SNTG2: variants seen among roughly 807,000 people sequenced by gnomAD.
The protein encoded by SNTG2 is gamma-2-syntrophin.
Under a neutral mutation model 70.9 loss-of-function variants are expected in SNTG2, and 74 were observed. The observed-to-expected ratio is 1.04, with a 90% CI of 0.86 to 1.27. SNTG2 has a LOEUF of 1.27. Among genes scored for constraint, SNTG2 ranks in the 50% most tolerant of loss-of-function variants. The probability of loss-of-function intolerance (pLI) is 0.00; values close to 1 mark genes in which losing one functional copy is unlikely to be tolerated. For synonymous variants in SNTG2, 278 were observed against 273.8 expected, an observed-to-expected ratio of 1.02 and a Z score of -0.15; for missense variants, 717 against 690.7, an observed-to-expected ratio of 1.04 and a Z score of -0.43.
chr2:1,008,545 A>G (rs1339503250), intron 1 of SNTG2, among the ~76,000 whole-genome samples: 2 of 152,202 alleles, frequency 1.3e-5, no homozygotes, highest in Non-Finnish European at 2.9e-5. Context: ...GCATTAAAAC[A>G]TGCATGAATT....
At chr2:1,243,365 G>T (rs1677172298) in intron 11 of SNTG2, among the ~76,000 whole-genome samples, 1 of 152,162 alleles carries the variant, frequency 6.6e-6, no homozygotes, top group Admixed American at 6.5e-5. Context: ...CCCAGGTCTG[G>T]GTGCTCGGAT....
At position 1,100,516 on chromosome 2, in the gene SNTG2, G is replaced by A. The variant is rs181045108; in HGVS notation, c.325+2106G>A. On this transcript the variant is annotated intron_variant, in intron 4 of 16. Coordinates refer to ENST00000308624, the MANE Select transcript of SNTG2 (RefSeq NM_018968.4). ...TTTGAACTACAGTATTTTGTTGCAT[G>A]TATTACATCAAGTGTTATAATGGCG... is the stretch of plus-strand genomic sequence containing the variant. 9.8e-5 allele frequency among the ~76,000 whole-genome samples: 15 copies of A among 152,294 alleles called. No homozygotes were observed. The East Asian group carries it at 2.7e-3, about 27-fold the overall frequency.
At chr2:1,287,964 C>T (rs1397479450) in intron 14 of SNTG2, among the ~76,000 whole-genome samples, 1 of 152,150 alleles carries the variant, frequency 6.6e-6, no homozygotes, top group African/African-American at 2.4e-5. Context: ...CGGGGTGGAG[C>T]ACCTGGGGCG....
intron 16 of SNTG2, among the ~76,000 whole-genome samples, chr2:1,350,600 G>A (rs1327429303): frequency 1.3e-5 from 2 of 152,128 alleles, no homozygotes; most frequent in Non-Finnish European, 1.5e-5. Flanking sequence ...GTCATTTGCT[G>A]GCATTGATGA....
intron 1 of SNTG2, among the ~76,000 whole-genome samples, chr2:1,053,619 T>TA (rs1662203969): frequency 6.6e-6 from 1 of 152,114 alleles, no homozygotes; most frequent in South Asian, 2.1e-4. Context: ...ATGCTAGGTA[T>TA]CCAGGTCGTG....
chr2:1,358,659 C>G (rs1660979561), intron 16 of SNTG2, among the ~76,000 whole-genome samples: 1 of 152,008 alleles, frequency 6.6e-6, no homozygotes, highest in African/African-American at 2.4e-5. Flanking sequence ...TGTGCTTTTT[C>G]CAATTTTCCT....
In SNTG2 at chr2:972,944, C is replaced by T. The variant is rs551164142; in HGVS notation, c.72+21876C>T. 3.3e-5 allele frequency among the ~76,000 whole-genome samples: 5 copies of T among 152,282 alleles called. No homozygotes were observed. The East Asian group carries it at 9.7e-4, about 29-fold the overall frequency. On this transcript the variant is annotated intron_variant, in intron 1 of 16. Coordinates refer to ENST00000308624, the MANE Select transcript of SNTG2 (RefSeq NM_018968.4). ...GTATTTATAGCAATTTGAGAACAGA[C>T]TAATACAAGTATCTACTACTATGTG...
At chr2:1,159,106 C>A (rs75575453) in intron 6 of SNTG2, among the ~76,000 whole-genome samples, 43 of 132,360 alleles carry the variant, frequency 3.2e-4, no homozygotes, top group Admixed American at 8.2e-4. Context: ...ATGCGTGTAC[C>A]TGTGTGTTCG....
intron 14 of SNTG2, among the ~76,000 whole-genome samples, chr2:1,276,258 A>C (rs1679260457): frequency 6.6e-6 from 1 of 152,262 alleles, no homozygotes; most frequent in African/African-American, 2.4e-5. Context: ...TTCTATTGGA[A>C]GAAGATGCCA....
At chr2:1,248,119 G>A (rs772746439) in intron 12 of SNTG2, among the ~76,000 whole-genome samples, 1 of 152,156 alleles carries the variant, frequency 6.6e-6, no homozygotes, top group Non-Finnish European at 1.5e-5. Context: ...GTGTTCATGG[G>A]ACTTTTTTCC....
intron 1 of SNTG2, among the ~76,000 whole-genome samples, chr2:1,079,320 A>G (rs928801391): frequency 6.6e-6 from 1 of 152,278 alleles, no homozygotes; most frequent in East Asian, 1.9e-4. Context: ...ATATTACTGC[A>G]TATTACGGCA....
chr2:1,318,945 G>A (rs901269093), intron 16 of SNTG2, among the ~76,000 whole-genome samples: 1 of 152,158 alleles, frequency 6.6e-6, no homozygotes, highest in African/African-American at 2.4e-5. Context: ...AGGACCTCCA[G>A]CAGCTCCCAT....
chr2:1,249,892 G>T (rs575030870), intron 12 of SNTG2, among the ~76,000 whole-genome samples: 1 of 152,120 alleles, frequency 6.6e-6, no homozygotes, highest in Non-Finnish European at 1.5e-5. Flanking sequence ...CACACTGGCC[G>T]GGCAGTGCAG....
intron 14 of SNTG2, among the ~76,000 whole-genome samples, chr2:1,307,373 A>G (rs532489681): frequency 7.4e-6 from 1 of 135,618 alleles, no homozygotes; most frequent in Admixed American, 7.4e-5. Flanking sequence ...GTGTGTGTAT[A>G]TATGGTGTTA....
At position 1,141,456 on chromosome 2, in the gene SNTG2, G is replaced by A. The variant is rs544291139; in HGVS notation, c.411+3647G>A. 1.1e-4 allele frequency among the ~76,000 whole-genome samples: 17 copies of A among 152,288 alleles called. No individual in the cohort carries two copies. In the South Asian group the frequency reaches 1.9e-3, roughly 17 times the overall value. The stretch of plus-strand genomic sequence containing the variant: ...TAGCTGTTTACCAGGTATCAGGGAC[G>A]TTTTTGATTTGCTCTGGGATACAGA... On this transcript the variant is annotated intron_variant, in intron 6 of 16. Coordinates refer to ENST00000308624, the MANE Select transcript of SNTG2 (RefSeq NM_018968.4).
At position 1,051,941 on chromosome 2, in the gene SNTG2, C is replaced by T. The variant is rs942379043; in HGVS notation, c.73-31577C>T. ...GAGAACTCTTCCATGTTATGAATTA[C>T]GCTGATTTTCAAATGGTAAACTACC... is the stretch of plus-strand genomic sequence containing the variant. On this transcript the variant is annotated intron_variant, in intron 1 of 16. Transcript: ENST00000308624. Among the ~76,000 whole-genome samples the T allele has an allele frequency of 8.5e-5, 13 of 152,286 alleles. No individual in the cohort carries two copies. In the South Asian group the frequency reaches 1.7e-3, roughly 19 times the overall value.
intron 4 of SNTG2, among the ~76,000 whole-genome samples, chr2:1,111,656 C>G (rs1208320298): frequency 6.6e-6 from 1 of 152,240 alleles, no homozygotes; most frequent in Non-Finnish European, 1.5e-5. Context: ...TGTCCAGTGT[C>G]CTTCAAATTA....
intron 4 of SNTG2, among the ~76,000 whole-genome samples, chr2:1,125,125 A>G (rs957425172): frequency 2.0e-5 from 3 of 152,196 alleles, no homozygotes; most frequent in Non-Finnish European, 4.4e-5. Context: ...CACAATTTGA[A>G]TCAACACCAG....
intron 16 of SNTG2, among the ~76,000 whole-genome samples, chr2:1,319,745 A>G (rs769113226): frequency 2.6e-5 from 4 of 152,236 alleles, no homozygotes; most frequent in East Asian, 1.9e-4. Flanking sequence ...CACTTAGTGC[A>G]TGGGTGATGG....
Sources: allele counts gnomAD v4.1 joint callset (sites outside exome capture counted in the v4.1 genomes callset), GRCh38; gene constraint gnomAD v4.1.1; transcripts MANE v1.5; gene names NCBI Gene and HGNC (gene_info 2026-07-23, HGNC 2026-07-21).